VBP1: variants seen among roughly 807,000 people sequenced by gnomAD.
The protein encoded by VBP1 is VHL binding protein 1.
VBP1 carries 4 observed loss-of-function variants against 15.5 expected under a neutral mutation model. That is an observed-to-expected ratio of 0.26 (90% confidence interval 0.13 to 0.59). The LOEUF (loss-of-function observed/expected upper bound fraction) is 0.59. Ranked by LOEUF, VBP1 falls within the 20% of genes least tolerant of loss-of-function variation. VBP1 has a pLI of 0.90. For synonymous variants in VBP1, 61 were observed against 52.1 expected (o/e 1.17, Z -0.74); for missense variants, 108 against 139.6 (o/e 0.77, Z 1.14).
intron 2 of VBP1, among the ~76,000 whole-genome samples, chrX:155,225,446 C>T (rs186884695): frequency 2.7e-5 from 3 of 111,989 alleles, no homozygotes; most frequent in African/African-American, 9.7e-5. Flanking sequence ...GTGATCCACC[C>T]GCTTCGGCCT....
chrX:155,230,850 A>C (rs2074742825), intron 4 of VBP1, among the ~76,000 whole-genome samples: 1 of 111,098 alleles, frequency 9.0e-6, no homozygotes, highest in East Asian at 2.8e-4. Flanking sequence ...TGCCCAGCTA[A>C]ATTTTTTGGT....
rs782008628 is a variant in VBP1, at chrX:155,216,928, G to A, written c.93+353G>A. 9.6e-4 allele frequency among the ~76,000 whole-genome samples: 108 copies of A among 112,353 alleles called. 2 individuals are homozygous for A. The highest frequency in any genetic ancestry group is 3.2e-3 in the African/African-American group (100 of 30,927). ...AAAGGGGAGGTGGTGAGGAGCTCTCGACTCAGCATGGATGCTGGAGACACA... is the reference window on the plus strand; with the variant it reads ...AAAGGGGAGGTGGTGAGGAGCTCTCAACTCAGCATGGATGCTGGAGACACA... On this transcript the variant is annotated intron_variant, in intron 1 of 5. Transcript: ENST00000286428.
At chrX:155,229,765 C>G (rs782010621) in intron 4 of VBP1, among the ~76,000 whole-genome samples, 25 of 112,200 alleles carry the variant, frequency 2.2e-4, no homozygotes, top group Non-Finnish European at 3.8e-4. Flanking sequence ...CATAGACTGG[C>G]ACTTCCCACA....
chrX:155,203,065 G>A (rs112956239), intron 1 of VBP1, among the ~76,000 whole-genome samples: 9 of 111,909 alleles, frequency 8.0e-5, no homozygotes, highest in Admixed American at 9.4e-5. Flanking sequence ...ATGAGATACC[G>A]TCTCACACCA....
chrX:155,215,597 A>G (rs1425609031), upstream of VBP1, among the ~76,000 whole-genome samples: 1 of 112,412 alleles, frequency 8.9e-6, no homozygotes, highest in African/African-American at 3.2e-5. Context: ...TAAACCGGTA[A>G]CAGTGATTGC....
At chrX:155,203,125 G>A (rs782766528) in intron 1 of VBP1, among the ~76,000 whole-genome samples, 31 of 111,781 alleles carry the variant, frequency 2.8e-4, no homozygotes, top group African/African-American at 9.4e-4. Flanking sequence ...TGCTGGAGAG[G>A]ATGTGGAGAA....
rs1243460131 is a variant in VBP1, at chrX:155,217,572, A to T, written c.93+997A>T. Among the ~76,000 whole-genome samples the T allele has an allele frequency of 4.5e-5, 5 of 110,696 alleles. 1 individual carries two copies. Among genetic ancestry groups the T allele is most frequent in the African/African-American group, 1.6e-4 (5 of 30,345 alleles). ...CTAAAGACTCATTTATTTATACCAC[A>T]CTTGATATTGTATATTCGCATTTGC... On this transcript the variant is annotated intron_variant, in intron 1 of 5. Transcript: ENST00000286428.
At position 155,216,463 on chromosome X, in the gene VBP1, C is replaced by A; in HGVS notation, c.-20C>A. 3 of 1,164,333 alleles carry A rather than the reference C, an allele frequency of 2.6e-6. No homozygotes were observed. The highest frequency in any genetic ancestry group is 3.4e-6 in the Non-Finnish European group (3 of 871,172). ...GGCGGCCGGCGGCCCGGGAGGCAGT[C>A]GCGCGCTCGCATCCCCAAGATGGCG... is the stretch of plus-strand genomic sequence containing the variant. On this transcript the variant is annotated 5_prime_UTR_variant, in exon 1 of 6. Coordinates refer to ENST00000286428, the MANE Select transcript of VBP1 (RefSeq NM_003372.7).
chrX:155,206,741 G>A (rs2074627873), intron 1 of VBP1, among the ~76,000 whole-genome samples: 1 of 110,979 alleles, frequency 9.0e-6, no homozygotes, highest in Non-Finnish European at 1.9e-5. Context: ...AGGTGGAAAA[G>A]GAGTGGCCAG....
At chrX:155,198,218 A>C (rs1283731139) in intron 1 of VBP1, among the ~76,000 whole-genome samples, 2 of 112,544 alleles carry the variant, frequency 1.8e-5, no homozygotes, top group East Asian at 2.8e-4. Flanking sequence ...TAACCTCTGC[A>C]GACTTAAATG....
intron 4 of VBP1, among the ~76,000 whole-genome samples, chrX:155,230,213 G>A (rs782251892): frequency 4.1e-4 from 46 of 111,473 alleles, no homozygotes; most frequent in Middle Eastern, 9.3e-3. Flanking sequence ...GCATGTTGAT[G>A]TGTAGAAGCA....
chrX:155,236,310 G>T lies in VBP1; in HGVS notation c.466G>T (p.Asp156Tyr). The T allele has an allele frequency of 8.3e-7, 1 of 1,211,185 alleles. No homozygotes were observed. Among genetic ancestry groups the T allele is most frequent in the South Asian group, 1.8e-5 (1 of 56,945 alleles). The change falls in exon 5 of 6, where the codon GAT becomes TAT. Residue 156 changes from aspartate to tyrosine, a missense_variant. Asp to Tyr is a radical substitution (Grantham distance 160). Coordinates refer to ENST00000286428, the MANE Select transcript of VBP1 (RefSeq NM_003372.7). ...KNLSTATKNL[D>Y]SLEEDLDFLR... ...TTTATCGACTGCCACAAAGAATCTT[G>T]ATTCCCTGGAGGAAGACCTTGACTT...
intron 4 of VBP1, among the ~76,000 whole-genome samples, chrX:155,228,966 T>C (rs1351164949): frequency 8.9e-6 from 1 of 112,383 alleles, no homozygotes; most frequent in Non-Finnish European, 1.9e-5. Context: ...TATTTCAGTT[T>C]TAGATGATTT....
intron 4 of VBP1, among the ~76,000 whole-genome samples, chrX:155,235,385 G>C (rs1172421270): frequency 1.8e-5 from 2 of 111,473 alleles, no homozygotes; most frequent in Admixed American, 9.5e-5. Flanking sequence ...ATACTTTCAT[G>C]TTGTCTTGTT....
intron 4 of VBP1, 106 bp from the exon 5 acceptor site, chrX:155,236,123 G>A (rs2074771515): frequency 1.1e-6 from 1 of 893,742 alleles, no homozygotes; most frequent in East Asian, 3.4e-5. Flanking sequence ...ACAACAAAAG[G>A]CAGCAAGCTG....
chrX:155,231,545 A>G (rs1258465532), intron 4 of VBP1, among the ~76,000 whole-genome samples: 1 of 112,342 alleles, frequency 8.9e-6, no homozygotes, highest in Admixed American at 9.4e-5. Flanking sequence ...TCTTGGGTGA[A>G]TGACATTTTT....
chrX:155,238,065 A>G (rs782393660), intron 5 of VBP1, among the ~76,000 whole-genome samples: 3 of 111,933 alleles, frequency 2.7e-5, no homozygotes, highest in Non-Finnish European at 5.6e-5. Flanking sequence ...TGAGAAAAAA[A>G]CAGGATCCAG....
intron 1 of VBP1, among the ~76,000 whole-genome samples, chrX:155,202,093 G>A (rs1456941738): frequency 9.0e-6 from 1 of 111,192 alleles, no homozygotes; most frequent in Non-Finnish European, 1.9e-5. Flanking sequence ...ACAAACCACT[G>A]CTCAATGAAA....
intron 1 of VBP1, among the ~76,000 whole-genome samples, chrX:155,197,405 G>T (rs2074582331): frequency 1.8e-5 from 2 of 111,394 alleles, no homozygotes; most frequent in Admixed American, 9.6e-5. Context: ...CACTGTCTTG[G>T]CTATAAAAAG....
Sources: allele counts gnomAD v4.1 joint callset (sites outside exome capture counted in the v4.1 genomes callset), GRCh38; gene constraint gnomAD v4.1.1; transcripts MANE v1.5; gene names NCBI Gene and HGNC (gene_info 2026-07-23, HGNC 2026-07-21).